Variants in NALCN observed in about 807,000 individuals in gnomAD.
NALCN encodes sodium leak channel, non-selective.
A neutral mutation model predicts 225.3 loss-of-function variants in NALCN; 111 were observed. That is an observed-to-expected ratio of 0.49 (90% CI 0.42 to 0.58). The LOEUF (loss-of-function observed/expected upper bound fraction) is 0.58, where lower values mean the gene tolerates loss of function less well. Ranked by LOEUF, NALCN falls within the 20% of genes least tolerant of loss-of-function variation. NALCN has a pLI of 0.00. For synonymous variants in NALCN, 764 were observed against 769.0 expected (o/e 0.99, Z 0.11); for missense variants, 1,378 against 2,202.4 (o/e 0.63, Z 7.49).
At chr13:101,114,832 T>C (rs2035627816) in intron 18 of NALCN, among the ~76,000 whole-genome samples, 1 of 152,214 alleles carries the variant, frequency 6.6e-6, no homozygotes, top group Non-Finnish European at 1.5e-5. Flanking sequence ...CAGCATGGCT[T>C]GCACAGCCCC....
At position 101,291,998 on chromosome 13, in the gene NALCN, T is replaced by C. The variant is rs1437354479; in HGVS notation, c.1039A>G (p.Thr347Ala). The C allele has an allele frequency of 1.2e-6, 2 of 1,613,992 alleles. No homozygotes were observed. The highest frequency in any genetic ancestry group is 3.3e-5 in the Admixed American group (2 of 59,950). ...GSRSSTTSTA[T>A]TQMFHEDAAG... The stretch of plus-strand genomic sequence containing the variant: ...TCTTGCTGATAGCGTACCTGGGTGG[T>C]GGCTGTTGAGGTAGTGCTGCTTCTC... Residue 347 changes from threonine to alanine, a missense_variant, in exon 9 of 44, where the codon ACC (threonine) becomes GCC (alanine). Physicochemically the swap from Thr to Ala is moderately conservative, Grantham distance 58. Around this residue, in one of 19 missense-constraint regions of NALCN, gnomAD observed 144 missense variants for 187.7 expected, o/e 0.77. Transcript: ENST00000251127.
At chr13:101,079,606 T>C (rs1338073956) in intron 34 of NALCN, among the ~76,000 whole-genome samples, 4 of 152,228 alleles carry the variant, frequency 2.6e-5, no homozygotes, top group Non-Finnish European at 5.9e-5. Context: ...ATCATAGTCA[T>C]TATACTCATA....
At chr13:101,058,155 G>A in intron 42 of NALCN, 99 bp from the exon 43 acceptor site, 1 of 1,001,866 alleles carries the variant, frequency 1.0e-6, no homozygotes, top group East Asian at 2.4e-5. Flanking sequence ...GGACAAGTGG[G>A]AAGAACAACA....
At chr13:101,160,872 A>G (rs1405763340) in intron 15 of NALCN, among the ~76,000 whole-genome samples, 2 of 152,168 alleles carry the variant, frequency 1.3e-5, no homozygotes, top group Non-Finnish European at 2.9e-5. Context: ...ATCTGTTCTT[A>G]TTGATCAAGT....
At position 101,104,264 on chromosome 13, in the gene NALCN, T is replaced by C. The variant is rs778090983; in HGVS notation, c.2889+31A>G. On this transcript the variant is annotated intron_variant, in intron 25 of 43. Coordinates refer to ENST00000251127, the MANE Select transcript of NALCN (RefSeq NM_052867.4). The surrounding 1 kb of genome is among the most constrained non-coding windows in gnomAD (Gnocchi z 4.2). The stretch of plus-strand genomic sequence containing the variant: ...CAGGAGATTTTACAAAACCATTACA[T>C]TTTTCATTTAGGCAATAAGCAAAGA... 6.4e-7 allele frequency: 1 copy of C among 1,568,316 alleles called. No individual in the cohort carries two copies. Among genetic ancestry groups the C allele is most frequent in the East Asian group, 2.2e-5 (1 of 44,548 alleles).
Position 101,292,181 on chromosome 13 carries a change from T to C in NALCN, c.942+43A>G, listed in dbSNP as rs1380609668. On this transcript the variant is annotated intron_variant, in intron 8 of 43. Transcript: ENST00000251127. This position sits in a 1 kb window ranked among gnomAD's most constrained non-coding sequence, Gnocchi z 4.3. ...AAACCAAACAAAAGATCTGCAGAACTATCACAGAACATAGACTTTCTTAGT... is the reference window on the plus strand; with the variant it reads ...AAACCAAACAAAAGATCTGCAGAACCATCACAGAACATAGACTTTCTTAGT... 4 of 1,612,846 alleles carry C rather than the reference T, an allele frequency of 2.5e-6. No individual in the cohort carries two copies. The Admixed American group carries it at 5.0e-5, about 20-fold the overall frequency.
chr13:101,145,427 T>C (rs1171946375), intron 15 of NALCN, among the ~76,000 whole-genome samples: 2 of 152,244 alleles, frequency 1.3e-5, no homozygotes, highest in East Asian at 1.9e-4. Flanking sequence ...ATTTGGTCCA[T>C]GCAGCGAGTT....
chr13:101,110,974 C>G, intron 19 of NALCN, 151 bp downstream of exon 19: 1 of 810,858 alleles, frequency 1.2e-6, no homozygotes, highest in Non-Finnish European at 2.0e-6. Flanking sequence ...TTAGGTGTTT[C>G]ATTATTGTAA....
intron 18 of NALCN, among the ~76,000 whole-genome samples, chr13:101,114,386 G>T (rs889182660): frequency 1.3e-5 from 2 of 151,928 alleles, no homozygotes; most frequent in Non-Finnish European, 2.9e-5. Context: ...CTTTTCCCGC[G>T]TCATGGTGGA....
At chr13:101,304,502 G>A (rs2044085339) in intron 7 of NALCN, among the ~76,000 whole-genome samples, 1 of 152,036 alleles carries the variant, frequency 6.6e-6, no homozygotes, top group African/African-American at 2.4e-5. Context: ...TGTCACCCAG[G>A]ATGGAATGCA....
chr13:101,280,421 T>A (rs1336138801), intron 10 of NALCN, among the ~76,000 whole-genome samples: 1 of 152,182 alleles, frequency 6.6e-6, no homozygotes, highest in Non-Finnish European at 1.5e-5. Context: ...ACCATTCCAA[T>A]CTTTATTTTA....
chr13:101,258,817 A>G (rs867432229), intron 10 of NALCN, among the ~76,000 whole-genome samples: 2 of 152,176 alleles, frequency 1.3e-5, no homozygotes, highest in Admixed American at 6.5e-5. Context: ...TGGAAAACAT[A>G]TATCATTTGT....
chr13:101,082,289 TC>T (rs561245550), intron 33 of NALCN, among the ~76,000 whole-genome samples: 60 of 152,262 alleles, frequency 3.9e-4, no homozygotes, highest in Admixed American at 7.8e-4. Context: ...ATCTGTGTTC[TC>T]TACACTCTTT....
At chr13:101,323,951 T>C (rs868693007) in intron 7 of NALCN, among the ~76,000 whole-genome samples, 1 of 152,302 alleles carries the variant, frequency 6.6e-6, no homozygotes, top group South Asian at 2.1e-4. Flanking sequence ...GATAGGTTCC[T>C]CTATGTAGAG....
intron 18 of NALCN, among the ~76,000 whole-genome samples, chr13:101,120,534 A>C (rs1566298521): frequency 3.3e-5 from 5 of 152,022 alleles, no homozygotes; most frequent in Admixed American, 1.3e-4. Flanking sequence ...AAAAAAAAAA[A>C]ACCACTATAA....
At chr13:101,132,737 T>C (rs1487488811) in intron 17 of NALCN, among the ~76,000 whole-genome samples, 1 of 152,128 alleles carries the variant, frequency 6.6e-6, no homozygotes, top group African/African-American at 2.4e-5. Context: ...AGCTTCAGTG[T>C]TCAAATCTTT....
chr13:101,164,522 C>A (rs1176504739), intron 15 of NALCN, among the ~76,000 whole-genome samples: 1 of 152,146 alleles, frequency 6.6e-6, no homozygotes, highest in East Asian at 1.9e-4. Context: ...AACTACTGGG[C>A]TCAAGCGATC....
chr13:101,094,067 T>C (rs984492937), intron 28 of NALCN, among the ~76,000 whole-genome samples: 8 of 152,230 alleles, frequency 5.3e-5, no homozygotes, highest in African/African-American at 1.7e-4. Context: ...ATTGCACCTT[T>C]TCTCCTGTAA....
intron 7 of NALCN, among the ~76,000 whole-genome samples, chr13:101,328,848 GT>G (rs1337768180): frequency 6.6e-6 from 1 of 152,150 alleles, no homozygotes; most frequent in East Asian, 1.9e-4. Flanking sequence ...TGCAGACTAT[GT>G]CCTGAAACCA....
Sources: allele counts gnomAD v4.1 joint callset (sites outside exome capture counted in the v4.1 genomes callset), GRCh38; gene constraint gnomAD v4.1.1; regional missense constraint gnomAD v4.1.1; non-coding constraint Gnocchi (gnomAD v3.1); transcripts MANE v1.5; gene names NCBI Gene and HGNC (gene_info 2026-07-23, HGNC 2026-07-21).